Variants in NME8 observed in about 807,000 individuals in gnomAD.
The protein encoded by NME8 is NME/NM23 family member 8.
In NME8, 72 loss-of-function variants were observed where a neutral mutation model predicts 82.3. The observed-to-expected ratio is 0.87, with a 90% CI of 0.72 to 1.06. The LOEUF is 1.06. Among genes scored for constraint, NME8 ranks in the 50% least tolerant of loss-of-function variants. The probability of loss-of-function intolerance (pLI) is 0.00; values close to 1 mark genes in which losing one functional copy is unlikely to be tolerated. For synonymous variants in NME8, 267 were observed against 228.5 expected (o/e 1.17, Z -1.52); for missense variants, 712 against 685.4 (o/e 1.04, Z -0.43).
In NME8 at chr7:37,863,423, G is replaced by T; in HGVS notation, c.415G>T (p.Asp139Tyr). 6.3e-7 allele frequency: 1 copy of T among 1,597,364 alleles called. No individual in the cohort carries two copies. Among genetic ancestry groups the T allele is most frequent in the South Asian group, 1.1e-5 (1 of 90,684 alleles). ...TCCTGAAATTCCATTAGTAGACTCAGATTCAGAAGTTAGTGAAGAATCACC... is the reference window on the plus strand; with the variant it reads ...TCCTGAAATTCCATTAGTAGACTCATATTCAGAAGTTAGTGAAGAATCACC... ...QYPEIPLVDS[D>Y]SEVSEESPCE... Residue 139 changes from aspartate (D) to tyrosine (Y), a missense_variant, in exon 8 of 18, where the codon GAT becomes TAT. Physicochemically the swap from Asp to Tyr is radical, Grantham distance 160 (BLOSUM62 -3). Coordinates refer to ENST00000199447, the MANE Select transcript of NME8 (RefSeq NM_016616.5).
At chr7:37,883,362 T>A (rs1784993511) in intron 12 of NME8, among the ~76,000 whole-genome samples, 1 of 152,220 alleles carries the variant, frequency 6.6e-6, no homozygotes, top group East Asian at 1.9e-4. Context: ...TTTCAAGAGC[T>A]ATATATCCTG....
chr7:37,875,431 C>A (rs1342967722), intron 11 of NME8, among the ~76,000 whole-genome samples: 4 of 151,200 alleles, frequency 2.6e-5, no homozygotes, highest in African/African-American at 9.7e-5. Flanking sequence ...CACACAGCCC[C>A]CCATAGCCCC....
At chr7:37,872,880 C>G (rs945640383) in intron 11 of NME8, among the ~76,000 whole-genome samples, 2 of 152,158 alleles carry the variant, frequency 1.3e-5, no homozygotes, top group African/African-American at 4.8e-5. Flanking sequence ...CCACCACACC[C>G]CCACCCCACA....
intron 6 of NME8, among the ~76,000 whole-genome samples, chr7:37,858,988 A>T (rs535113850): frequency 6.6e-6 from 1 of 152,096 alleles, no homozygotes; most frequent in Non-Finnish European, 1.5e-5. Flanking sequence ...CTCTCTCCAC[A>T]TGACATGCTG....
chr7:37,893,037 T>G (rs1785155497), intron 15 of NME8, among the ~76,000 whole-genome samples: 1 of 152,070 alleles, frequency 6.6e-6, no homozygotes, highest in Non-Finnish European at 1.5e-5. Context: ...TCATTTCATT[T>G]CTCAGCTCAG....
At chr7:37,873,798 T>C (rs559391255) in intron 11 of NME8, among the ~76,000 whole-genome samples, 2 of 152,348 alleles carry the variant, frequency 1.3e-5, no homozygotes, top group South Asian at 4.1e-4. Flanking sequence ...ATAGGCGCAT[T>C]ATCACTAATG....
intron 14 of NME8, among the ~76,000 whole-genome samples, chr7:37,886,513 C>T (rs898557153): frequency 3.9e-5 from 6 of 152,214 alleles, no homozygotes; most frequent in African/African-American, 1.4e-4. Context: ...CACCCCTTTC[C>T]TGTGCCTGAA....
chr7:37,886,790 G>A (rs1037082121), intron 14 of NME8, among the ~76,000 whole-genome samples: 30 of 152,070 alleles, frequency 2.0e-4, no homozygotes, highest in African/African-American at 7.0e-4. Flanking sequence ...CAAGGGACTA[G>A]GGCTGAAGGT....
At position 37,893,111 on chromosome 7, in the gene NME8, G is replaced by T. The variant is rs1461797526; in HGVS notation, c.1400-1355G>T. ...TCTTAATAGGTAGGGCCTTTGCAGG[G>T]GGTGAATCTGTCTCACTACCTACAG... On this transcript the variant is annotated intron_variant, in intron 15 of 17. Transcript: ENST00000199447. 3.9e-5 allele frequency among the ~76,000 whole-genome samples: 6 copies of T among 151,944 alleles called. No homozygotes were observed. In the South Asian group the frequency reaches 1.0e-3, roughly 26 times the overall value.
intron 17 of NME8, among the ~76,000 whole-genome samples, chr7:37,899,208 C>T (rs752733570): frequency 6.6e-6 from 1 of 152,124 alleles, no homozygotes; most frequent in Non-Finnish European, 1.5e-5. Context: ...GAATATAAAT[C>T]CTTCTATAAA....
intron 11 of NME8, among the ~76,000 whole-genome samples, chr7:37,870,900 TGGAG>T (rs983653518): frequency 5.3e-5 from 8 of 152,366 alleles, no homozygotes; most frequent in African/African-American, 1.9e-4. Flanking sequence ...GCTCTTGCTC[TGGAG>T]GGAGGGCCTG....
rs1562832583 is a variant in NME8, at chr7:37,867,688, A to C, written c.622-14A>C. 3 of 1,604,598 alleles carry C rather than the reference A, an allele frequency of 1.9e-6. No homozygotes were observed. Among genetic ancestry groups the C allele is most frequent in the Non-Finnish European group, 1.7e-6 (2 of 1,171,688 alleles). ...AGGAGCCTGAAGGAAACAGTTTATC[A>C]TTTTATTTTGTAGTGTGACTTCGAA... On this transcript the variant is annotated splice_polypyrimidine_tract_variant and intron_variant, in intron 10 of 17. Coordinates refer to ENST00000199447, the MANE Select transcript of NME8 (RefSeq NM_016616.5).
chr7:37,858,392 A>C (rs1010164731), intron 6 of NME8, among the ~76,000 whole-genome samples: 1 of 152,224 alleles, frequency 6.6e-6, no homozygotes, highest in Non-Finnish European at 1.5e-5. Context: ...TAAAAAATGC[A>C]TTGTAGATCT....
At chr7:37,870,984 C>G (rs1784758559) in intron 11 of NME8, among the ~76,000 whole-genome samples, 1 of 152,142 alleles carries the variant, frequency 6.6e-6, no homozygotes, top group Non-Finnish European at 1.5e-5. Flanking sequence ...GGACAAAAAA[C>G]TCTCATGCGT....
chr7:37,890,167 C>A (rs940722951), intron 15 of NME8, among the ~76,000 whole-genome samples: 7 of 151,836 alleles, frequency 4.6e-5, no homozygotes, highest in African/African-American at 1.7e-4. Context: ...TTATTTTTAG[C>A]CTTTTTGAAT....
chr7:37,850,969 A>C (rs1249437033), intron 5 of NME8, among the ~76,000 whole-genome samples: 2 of 152,150 alleles, frequency 1.3e-5, no homozygotes, highest in African/African-American at 4.8e-5. Flanking sequence ...AAAGTCAGAA[A>C]AGTGTAATAA....
chr7:37,880,537 G>T (rs1412171033), intron 12 of NME8, among the ~76,000 whole-genome samples: 1 of 152,108 alleles, frequency 6.6e-6, no homozygotes, highest in Non-Finnish European at 1.5e-5. Context: ...TGGGCTCTCT[G>T]CTCTGTTCCA....
chr7:37,874,158 G>A lies in NME8; in HGVS notation c.819-2674G>A, dbSNP rs537115606. Among the ~76,000 whole-genome samples, 3 of 152,044 alleles carry A rather than the reference G, an allele frequency of 2.0e-5. No individual in the cohort carries two copies. In the East Asian group the frequency reaches 5.8e-4, roughly 29 times the overall value. The stretch of plus-strand genomic sequence containing the variant: ...TATACTCAACCAAATCAAAAATATG[G>A]GAGGAAAAAAAAGAAAAACAGTTCT... On this transcript the variant is annotated intron_variant, in intron 11 of 17. Transcript: ENST00000199447.
intron 12 of NME8, among the ~76,000 whole-genome samples, chr7:37,881,600 TG>T (rs1784946596): frequency 6.6e-6 from 1 of 152,216 alleles, no homozygotes; most frequent in Non-Finnish European, 1.5e-5. Context: ...TGAGAGCTAT[TG>T]GTCTTTAGTT....
Sources: gnomAD v4.1 joint callset for allele counts (sites outside exome capture counted in the v4.1 genomes callset) on GRCh38, gnomAD v4.1.1 for gene constraint, MANE v1.5 for transcripts, NCBI Gene and HGNC (gene_info 2026-07-23, HGNC 2026-07-21) for gene names.